Variants in MROH1 observed in about 807,000 individuals in gnomAD.
MROH1 encodes the protein maestro heat like repeat family member 1.
Under a neutral mutation model 116.5 loss-of-function variants are expected in MROH1, and 117 were observed. The observed-to-expected ratio is 1.00, with a 90% CI of 0.86 to 1.17. The LOEUF (loss-of-function observed/expected upper bound fraction) is 1.17, where lower values mean the gene tolerates loss of function less well. Ranked by LOEUF, MROH1 falls within the 50% of genes most tolerant of loss-of-function variation. The pLI is 0.00. For missense variants in MROH1, 1,873 were observed against 1,338.5 expected (o/e 1.40, Z -6.23); for synonymous variants, 921 against 583.9 (o/e 1.58, Z -8.32).
In MROH1 at chr8:144,260,013, G is replaced by A. The variant is rs1159432983; in HGVS notation, c.4147G>A (p.Val1383Met). The change falls in exon 38 of 44, where the codon GTG (valine) becomes ATG (methionine). Residue 1383 changes from valine (V) to methionine (M), a missense_variant. Val to Met is a conservative substitution (Grantham distance 21). Coordinates refer to ENST00000326134, the MANE Select transcript of MROH1 (RefSeq NM_032450.3). ...KDTCASVRRLVLRGLANLASG... is the reference protein window; with the variant it reads ...KDTCASVRRLMLRGLANLASG... The stretch of plus-strand genomic sequence containing the variant: ...CACATGCGCCAGCGTGCGGAGGCTG[G>A]TGCTCCGCGGCCTGGCCAACCTGGC... 12 of 727,702 alleles carry A rather than the reference G, an allele frequency of 1.6e-5. No individual in the cohort carries two copies. In the Admixed American group the frequency reaches 1.9e-4, roughly 12 times the overall value. The allele number at this position is 727,702 out of a possible 1,614,324, so 45.1% of individuals were successfully genotyped here.
chr8:144,220,563 C>T lies in MROH1; in HGVS notation c.1142-37C>T, dbSNP rs188118969. On this transcript the variant is annotated intron_variant, in intron 12 of 43. Coordinates refer to ENST00000326134, the MANE Select transcript of MROH1 (RefSeq NM_032450.3). The stretch of plus-strand genomic sequence containing the variant: ...GGAATGGACCTTGAGGTCCTCATCT[C>T]AGTGGTAGGCTGAGCTGTCCTGTTT... 3.2e-6 allele frequency: 5 copies of T among 1,547,634 alleles called. No homozygotes were observed. In the African/African-American group the frequency reaches 4.1e-5, roughly 13 times the overall value.
At chr8:144,202,018 C>A (rs11136261) in intron 12 of MROH1, among the ~76,000 whole-genome samples, 144,527 of 147,194 alleles carry the variant, frequency 0.98, 70,942 homozygotes, top group Non-Finnish European at 1. Flanking sequence ...ACTCCGTCTC[C>A]AAAAAAAAAA....
intron 12 of MROH1, chr8:144,213,398 G>A (rs1834590006): frequency 6.2e-6 from 2 of 324,510 alleles, no homozygotes; most frequent in Non-Finnish European, 1.1e-5. Flanking sequence ...AGTGTCTTAA[G>A]TTATTCCATA....
chr8:144,226,744 T>C (rs905264075), intron 14 of MROH1, among the ~76,000 whole-genome samples: 4 of 152,244 alleles, frequency 2.6e-5, no homozygotes, highest in Non-Finnish European at 5.9e-5. Flanking sequence ...TGAGCCACCA[T>C]GCCCAGATGC....
intron 35 of MROH1, among the ~76,000 whole-genome samples, chr8:144,258,132 C>A (rs1295294888): frequency 1.3e-5 from 2 of 152,212 alleles, no homozygotes; most frequent in Non-Finnish European, 2.9e-5. Context: ...ACTCTCCCTG[C>A]CAGTTTCTGG....
chr8:144,245,232 G>A lies in MROH1; in HGVS notation c.2843G>A (p.Arg948His), dbSNP rs1325122872. ...RALGLSALLL[R>H]YFLEHLRVSA... ...CTGGGCCTGAGCGCCCTCCTGCTGCGCTACTTCCTGGAGCACCTGCGTGTC... is the reference window on the plus strand; with the variant it reads ...CTGGGCCTGAGCGCCCTCCTGCTGCACTACTTCCTGGAGCACCTGCGTGTC... The change falls in exon 29 of 44, where the codon CGC (arginine) becomes CAC (histidine). Residue 948 changes from arginine (R) to histidine (H), a missense_variant. By Grantham distance (29) the Arg-to-His change is conservative (BLOSUM62 0). Coordinates refer to ENST00000326134, the MANE Select transcript of MROH1 (RefSeq NM_032450.3). The A allele has an allele frequency of 6.3e-5, 49 of 778,736 alleles. No homozygotes were observed. The highest frequency in any genetic ancestry group is 3.6e-4 in the African/African-American group (21 of 59,122). The allele number at this position is 778,736 out of a possible 1,614,324, so 48.2% of individuals were successfully genotyped here. A position where few individuals can be genotyped will look rare whatever the true frequency, so the allele number is the denominator to read the frequency against.
intron 1 of MROH1, among the ~76,000 whole-genome samples, chr8:144,158,835 C>T (rs1429862787): frequency 6.6e-6 from 1 of 151,984 alleles, no homozygotes; most frequent in Admixed American, 6.6e-5. Context: ...GCATTGACCT[C>T]CTGGGCTCAA....
At chr8:144,244,952 C>A (rs1841642434) in intron 28 of MROH1, among the ~76,000 whole-genome samples, 1 of 152,212 alleles carries the variant, frequency 6.6e-6, no homozygotes, top group African/African-American at 2.4e-5. Context: ...TGGGTTGTGT[C>A]TGTGACCAGA....
chr8:144,239,202 C>T (rs1840551449), intron 16 of MROH1, 23 bp downstream of exon 16: 1 of 748,834 alleles, frequency 1.3e-6, no homozygotes, highest in Admixed American at 1.8e-5. Flanking sequence ...CCGTACCCCA[C>T]CTCCCCACTC....
intron 7 of MROH1, among the ~76,000 whole-genome samples, chr8:144,189,739 C>A (rs755643823): frequency 1.3e-5 from 2 of 152,208 alleles, no homozygotes; most frequent in Non-Finnish European, 2.9e-5. Flanking sequence ...TGGCTCTTCC[C>A]GCCCACACTG....
Position 144,258,821 on chromosome 8 carries a change from G to C in MROH1, c.3836G>C (p.Ser1279Thr). ...CGGTCCATGCTACTCCGCAGCGGCAGCGAGGATGTGGTACAGCGCATGGAC... is the reference window on the plus strand; with the variant it reads ...CGGTCCATGCTACTCCGCAGCGGCACCGAGGATGTGGTACAGCGCATGGAC... ...TLRSMLLRSG[S>T]EDVVQRMDLE... The change falls in exon 36 of 44, where the codon AGC becomes ACC. Residue 1279 changes from serine to threonine, a missense_variant. Transcript: ENST00000326134. The C allele has an allele frequency of 1.3e-6, 1 of 769,578 alleles. No individual in the cohort carries two copies. Among genetic ancestry groups the C allele is most frequent in the South Asian group, 1.4e-5 (1 of 72,668 alleles). 47.7% of individuals were successfully genotyped at this position (769,578 alleles called of 1,614,324 possible). A position where few individuals can be genotyped will look rare whatever the true frequency, so the allele number is the denominator to read the frequency against.
intron 14 of MROH1, among the ~76,000 whole-genome samples, chr8:144,235,626 A>T (rs1246303686): frequency 2.0e-5 from 3 of 152,112 alleles, no homozygotes; most frequent in African/African-American, 7.2e-5. Context: ...TTTTAGTGAT[A>T]TGGTGCATTT....
At position 144,239,326 on chromosome 8, in the gene MROH1, G is replaced by A; in HGVS notation, c.1595G>A (p.Ser532Asn). ...AFLIQYDAHA[S>N]LPSPYAVTGR... ...TATTTCCACCTCTCATCTCCAGCGA[G>A]CCTCCCGTCTCCCTATGCTGTAACC... Residue 532 changes from serine to asparagine, a missense_variant, in exon 17 of 44, where the codon AGC (serine) becomes AAC (asparagine). Transcript: ENST00000326134. The A allele has an allele frequency of 3.8e-6, 3 of 780,352 alleles. No homozygotes were observed. The highest frequency in any genetic ancestry group is 2.4e-6 in the Non-Finnish European group (1 of 417,800). The allele number at this position is 780,352 out of a possible 1,614,324, so 48.3% of individuals were successfully genotyped here. A position where few individuals can be genotyped will look rare whatever the true frequency, so the allele number is the denominator to read the frequency against.
At chr8:144,261,395 T>A in intron 43 of MROH1, 46 bp downstream of exon 43, 1 of 700,606 alleles carries the variant, frequency 1.4e-6, no homozygotes, top group Non-Finnish European at 2.6e-6. Flanking sequence ...CTGCTGACCC[T>A]GTAGGCACCC....
intron 1 of MROH1, among the ~76,000 whole-genome samples, chr8:144,160,141 G>C (rs1227170800): frequency 6.6e-6 from 1 of 152,200 alleles, no homozygotes; most frequent in Admixed American, 6.5e-5. Flanking sequence ...TTGTGTTTCT[G>C]TTAGTATTCA....
At chr8:144,179,613 A>C (rs1216576738) in intron 5 of MROH1, 27 bp downstream of exon 5, 1 of 1,581,510 alleles carries the variant, frequency 6.3e-7, no homozygotes, top group South Asian at 1.2e-5. Flanking sequence ...CTGGCCTCGC[A>C]GACTCAGGCC....
At chr8:144,168,559 C>T (rs1011527314) in intron 4 of MROH1, 119 bp downstream of exon 4, 2 of 1,237,828 alleles carry the variant, frequency 1.6e-6, no homozygotes, top group Admixed American at 2.5e-5. Flanking sequence ...CAGGGGTGGC[C>T]ACATGTCTAA....
At chr8:144,157,184 C>T (rs1411160146) in intron 1 of MROH1, among the ~76,000 whole-genome samples, 1 of 152,104 alleles carries the variant, frequency 6.6e-6, no homozygotes, top group African/African-American at 2.4e-5. Flanking sequence ...TCTCGAACTC[C>T]TGACCTTATG....
At chr8:144,243,455 G>A in intron 24 of MROH1, 39 bp from the exon 25 acceptor site, 2 of 776,552 alleles carry the variant, frequency 2.6e-6, no homozygotes, top group South Asian at 2.7e-5. Context: ...GCCCTGGAGG[G>A]CGGGCGTGGG....
Sources: gnomAD v4.1 joint callset for allele counts (sites outside exome capture counted in the v4.1 genomes callset) on GRCh38, gnomAD v4.1.1 for gene constraint, MANE v1.5 for transcripts, NCBI Gene and HGNC (gene_info 2026-07-23, HGNC 2026-07-21) for gene names.